Variants in DAB1 observed in about 807,000 individuals in gnomAD.
DAB1 encodes the protein DAB adaptor protein 1, also known as disabled homolog 1.
Under a neutral mutation model 64.6 loss-of-function variants are expected in DAB1, and 15 were observed. That is an observed-to-expected ratio of 0.23 (90% CI 0.16 to 0.36). The LOEUF is 0.36. Among genes scored for constraint, DAB1 ranks in the 10% least tolerant of loss-of-function variants. The pLI is 1.00. For missense variants in DAB1, 596 were observed against 706.7 expected (o/e 0.84, Z 1.78); for synonymous variants, 235 against 251.9 (o/e 0.93, Z 0.64).
chr1:57,897,175 C>A (rs1290607613), intron 5 of DAB1, among the ~76,000 whole-genome samples: 2 of 152,202 alleles, frequency 1.3e-5, no homozygotes, highest in African/African-American at 4.8e-5. Flanking sequence ...GATCCAGGAA[C>A]TCCTTTCTAT....
chr1:57,450,534 C>A (rs1413069905), intron 7 of DAB1, among the ~76,000 whole-genome samples: 4 of 152,158 alleles, frequency 2.6e-5, no homozygotes, highest in Non-Finnish European at 5.9e-5. Flanking sequence ...AAAAGGAGGA[C>A]AAATTCTGTC....
chr1:57,155,197 C>A (rs550699577), intron 2 of DAB1, among the ~76,000 whole-genome samples: 10 of 152,266 alleles, frequency 6.6e-5, no homozygotes, highest in African/African-American at 2.2e-4. Flanking sequence ...TTGATTTGAT[C>A]TGTGTATATG....
chr1:57,279,100 C>T (rs1306038359), intron 2 of DAB1, among the ~76,000 whole-genome samples: 1 of 152,176 alleles, frequency 6.6e-6, no homozygotes, highest in African/African-American at 2.4e-5. Context: ...ATTTCCTGGT[C>T]TTCACTTTTA....
intron 4 of DAB1, among the ~76,000 whole-genome samples, chr1:58,188,039 G>T (rs1657187649): frequency 6.6e-6 from 1 of 151,864 alleles, no homozygotes; most frequent in African/African-American, 2.4e-5. Context: ...CTCCTTAGTA[G>T]CTGGGATTAC....
chr1:58,331,076 T>G (rs560310945), intron 4 of DAB1, among the ~76,000 whole-genome samples: 2 of 152,332 alleles, frequency 1.3e-5, no homozygotes, highest in Non-Finnish European at 2.9e-5. Flanking sequence ...GATTCCCTGT[T>G]CTAGATGCCA....
intron 7 of DAB1, among the ~76,000 whole-genome samples, chr1:57,579,246 T>C (rs1645285033): frequency 1.3e-5 from 2 of 152,220 alleles, no homozygotes. Context: ...GGTTGTTCTC[T>C]TTTCCCTATC....
chr1:57,096,099 T>C (rs1654136719), intron 4 of DAB1, among the ~76,000 whole-genome samples: 1 of 152,220 alleles, frequency 6.6e-6, no homozygotes, highest in African/African-American at 2.4e-5. Flanking sequence ...TTTTGGATCA[T>C]TGCTATTATT....
At chr1:57,368,051 C>G (rs1471896123) in intron 1 of DAB1, among the ~76,000 whole-genome samples, 1 of 152,226 alleles carries the variant, frequency 6.6e-6, no homozygotes, top group African/African-American at 2.4e-5. Context: ...GCACCTGCTC[C>G]CATCTTGAAG....
intron 3 of DAB1, among the ~76,000 whole-genome samples, chr1:58,453,199 C>T (rs1379959198): frequency 6.6e-6 from 1 of 151,966 alleles, no homozygotes; most frequent in Admixed American, 6.6e-5. Flanking sequence ...TGAGAGAGAA[C>T]TAGTGATCAC....
intron 7 of DAB1, among the ~76,000 whole-genome samples, chr1:57,483,714 A>G (rs1199798037): frequency 6.6e-6 from 1 of 151,952 alleles, no homozygotes; most frequent in African/African-American, 2.4e-5. Flanking sequence ...CATCTCCTAT[A>G]TACCTGGAAA....
intron 3 of DAB1, among the ~76,000 whole-genome samples, chr1:58,457,777 C>A (rs540066289): frequency 1.3e-5 from 2 of 152,314 alleles, no homozygotes; most frequent in Non-Finnish European, 2.9e-5. Flanking sequence ...TCTGTCCCCC[C>A]AGTCACCTGA....
At chr1:57,139,407 C>A (rs1014493129) in intron 3 of DAB1, among the ~76,000 whole-genome samples, 4 of 152,136 alleles carry the variant, frequency 2.6e-5, no homozygotes, top group South Asian at 2.1e-4. Flanking sequence ...TGATCCTGGA[C>A]TTCCCAGGAT....
intron 3 of DAB1, among the ~76,000 whole-genome samples, chr1:57,144,838 CTT>C (rs766240660): frequency 3.3e-5 from 5 of 152,002 alleles, no homozygotes; most frequent in Admixed American, 6.6e-5. Context: ...AGGATATTAT[CTT>C]AAAGTGCTTG....
intron 5 of DAB1, among the ~76,000 whole-genome samples, chr1:57,917,829 C>T (rs1032736012): frequency 2.0e-5 from 3 of 152,162 alleles, no homozygotes; most frequent in African/African-American, 7.2e-5. Flanking sequence ...ATTGATGCTA[C>T]TTCATTTTTG....
At chr1:57,880,999 G>A (rs1449185504) in intron 1 of DAB1, 2 of 152,198 alleles carry the variant, frequency 1.3e-5, no homozygotes, top group Non-Finnish European at 2.9e-5. Flanking sequence ...GAAGAATGGA[G>A]TTGGAGCATA....
chr1:57,260,925 C>T (rs1027302847), intron 2 of DAB1, among the ~76,000 whole-genome samples: 1 of 152,188 alleles, frequency 6.6e-6, no homozygotes, highest in Non-Finnish European at 1.5e-5. Context: ...TGCGTTCACA[C>T]TCTAGCTCTG....
chr1:57,524,965 T>C (rs1273090747), intron 7 of DAB1, among the ~76,000 whole-genome samples: 1 of 152,144 alleles, frequency 6.6e-6, no homozygotes, highest in East Asian at 1.9e-4. Context: ...TGTAAAGCAA[T>C]ACTAAATGCT....
At chr1:58,493,682 AT>A (rs1173696190) in intron 3 of DAB1, among the ~76,000 whole-genome samples, 2 of 151,704 alleles carry the variant, frequency 1.3e-5, no homozygotes, top group Non-Finnish European at 2.9e-5. Context: ...TTCAAAGAGA[AT>A]AAAATAGCTA....
chr1:57,992,244 C>G (rs1311455675), intron 5 of DAB1, among the ~76,000 whole-genome samples: 1 of 152,170 alleles, frequency 6.6e-6, no homozygotes, highest in Non-Finnish European at 1.5e-5. Flanking sequence ...CAGGTGCTGA[C>G]TGGCAGAGGG....
Sources: allele counts gnomAD v4.1 joint callset (sites outside exome capture counted in the v4.1 genomes callset), GRCh38; gene constraint gnomAD v4.1.1; transcripts MANE v1.5; gene names NCBI Gene and HGNC (gene_info 2026-07-23, HGNC 2026-07-21).